KANK1: variants seen among roughly 807,000 people sequenced by gnomAD.
KANK1 encodes KN motif and ankyrin repeat domains 1.
A neutral mutation model predicts 106.2 loss-of-function variants in KANK1; 109 were observed. That is an observed-to-expected ratio of 1.03 (90% CI 0.88 to 1.20). The LOEUF is 1.20. Among genes scored for constraint, KANK1 ranks in the 50% most tolerant of loss-of-function variants. KANK1 has a pLI of 0.00. For missense variants in KANK1, 2,399 were observed against 1,710.7 expected, an observed-to-expected ratio of 1.40 and a Z score of -7.10; for synonymous variants, 873 against 652.2, an observed-to-expected ratio of 1.34 and a Z score of -5.16.
chr9:588,084 G>A (rs74365571), intron 1 of KANK1, among the ~76,000 whole-genome samples: 3 of 148,904 alleles, frequency 2.0e-5, no homozygotes, highest in African/African-American at 4.9e-5. Context: ...AAAAAAGAAA[G>A]AAAGAAAGAA....
intron 1 of KANK1, among the ~76,000 whole-genome samples, chr9:600,209 C>G (rs753940901): frequency 8.6e-5 from 13 of 151,770 alleles, no homozygotes; most frequent in Non-Finnish European, 8.8e-5. Flanking sequence ...CCACCCCCCT[C>G]TTCCCCTGGC....
At position 621,229 on chromosome 9, in the gene KANK1, GT is replaced by G. The variant is rs1387534894; in HGVS notation, c.-83-55659del. Among the ~76,000 whole-genome samples, 4 of 152,220 alleles carry G rather than the reference GT, an allele frequency of 2.6e-5. No individual in the cohort carries two copies. In the East Asian group the frequency reaches 7.7e-4, roughly 29 times the overall value. ...TAGCTATCACATAACATACATATTG[GT>G]TAATAATTGCAACCAAAAGTAAATT... On this transcript the variant is annotated intron_variant, in intron 1 of 11. Transcript: ENST00000382297.
chr9:680,844 C>G (rs1280875100), intron 2 of KANK1: 2 of 152,398 alleles, frequency 1.3e-5, no homozygotes, highest in Non-Finnish European at 2.9e-5. Context: ...TCAATCTTCC[C>G]TCGTAGTGTT....
chr9:472,038 T>G (rs1340249631), intron 2 of KANK1, among the ~76,000 whole-genome samples: 1 of 152,126 alleles, frequency 6.6e-6, no homozygotes, highest in African/African-American at 2.4e-5. Context: ...AGAGCCCTGC[T>G]CTCCCAGAGT....
rs377573073 is a variant in KANK1 at position 652,021 on chromosome 9, T to C, written c.-83-24869T>C. Among the ~76,000 whole-genome samples the C allele has an allele frequency of 4.1e-3, 630 of 152,288 alleles. 2 individuals are homozygous for C. Among genetic ancestry groups the C allele is most frequent in the African/African-American group, 0.014 (593 of 41,552 alleles). ...TGGAATCTAGTTTCATTAGCCCTGC[T>C]ATAACATTTTGGAGAGAATATAAAT... is the stretch of plus-strand genomic sequence containing the variant. On this transcript the variant is annotated intron_variant, in intron 1 of 11. Transcript: ENST00000382297.
chr9:694,059 C>A (rs1820624395), intron 2 of KANK1, among the ~76,000 whole-genome samples: 1 of 152,026 alleles, frequency 6.6e-6, no homozygotes, highest in South Asian at 2.1e-4. Flanking sequence ...TAGTTCAATT[C>A]AATAATTTCC....
intron 2 of KANK1, 144 bp downstream of exon 2, chr9:677,153 G>A: frequency 1.4e-6 from 1 of 721,006 alleles, no homozygotes; most frequent in Non-Finnish European, 2.3e-6. Context: ...TGAAGTTTGG[G>A]TTTGTTTTGT....
At chr9:554,327 G>A (rs2061453293) in intron 1 of KANK1, among the ~76,000 whole-genome samples, 7 of 152,170 alleles carry the variant, frequency 4.6e-5, no homozygotes, top group Admixed American at 4.6e-4. Context: ...GGAAAAGATA[G>A]AAGTTCCAGC....
At chr9:595,437 A>G (rs1236528034) in intron 1 of KANK1, among the ~76,000 whole-genome samples, 4 of 151,950 alleles carry the variant, frequency 2.6e-5, no homozygotes, top group Non-Finnish European at 5.9e-5. Context: ...TGCAATCAGA[A>G]CAAGAACCCG....
chr9:631,600 C>T (rs1036655216), intron 1 of KANK1, among the ~76,000 whole-genome samples: 1 of 152,208 alleles, frequency 6.6e-6, no homozygotes, highest in Non-Finnish European at 1.5e-5. Context: ...TCAGCCAGAG[C>T]AGTAGTTACT....
chr9:692,987 G>C (rs1211906457), intron 2 of KANK1, among the ~76,000 whole-genome samples: 1 of 152,050 alleles, frequency 6.6e-6, no homozygotes, highest in Non-Finnish European at 1.5e-5. Context: ...AAGTGACAGA[G>C]TGATACACTA....
intron 3 of KANK1, chr9:478,163 T>G (rs1455193440): frequency 2.7e-5 from 5 of 182,738 alleles, no homozygotes; most frequent in Admixed American, 2.3e-4. Context: ...GGAAATGCCA[T>G]TTTTCATGAC....
chr9:729,709 A>G (rs932350355), intron 3 of KANK1, among the ~76,000 whole-genome samples: 2 of 152,188 alleles, frequency 1.3e-5, no homozygotes, highest in African/African-American at 4.8e-5. Flanking sequence ...TAATGATGGC[A>G]TTGGAGCTGG....
chr9:646,577 C>G (rs968750047), intron 1 of KANK1, among the ~76,000 whole-genome samples: 4 of 150,524 alleles, frequency 2.7e-5, no homozygotes, highest in Non-Finnish European at 4.4e-5. Context: ...TTAATCATCT[C>G]TCAGTTAGGT....
chr9:679,545 G>C (rs929566324), intron 2 of KANK1, among the ~76,000 whole-genome samples: 2 of 152,150 alleles, frequency 1.3e-5, no homozygotes, highest in African/African-American at 4.8e-5. Context: ...CTCCCACGCA[G>C]CTGGGATTAC....
chr9:713,328 A>G lies in KANK1; in HGVS notation c.2562A>G (p.Glu854=), dbSNP rs1329830983. The change falls in exon 3 of 12, where the codon GAA becomes GAG. Residue 854 remains glutamate (E), a synonymous_variant. Transcript: ENST00000382297. ...GTGAACTGGCAGAAGCTTTCGGGGA[A>G]CCTCACTCACAGATGGGCTCCCTCA... ...NYSELAEAFG[E]PHSQMGSLNS... The G allele has an allele frequency of 1.2e-6, 2 of 1,614,092 alleles. No homozygotes were observed. Among genetic ancestry groups the G allele is most frequent in the Admixed American group, 1.7e-5 (1 of 60,018 alleles).
At chr9:537,474 A>G (rs1447979152) in intron 1 of KANK1, among the ~76,000 whole-genome samples, 1 of 152,190 alleles carries the variant, frequency 6.6e-6, no homozygotes, top group Non-Finnish European at 1.5e-5. Flanking sequence ...TTGTCTCTCA[A>G]GTGTTGCTAA....
At chr9:725,495 T>TC (rs1830420258) in intron 3 of KANK1, among the ~76,000 whole-genome samples, 2 of 53,686 alleles carry the variant, frequency 3.7e-5, no homozygotes, top group South Asian at 1.3e-3. Flanking sequence ...AGACTCTGTC[T>TC]CAAAAAAAAA....
intron 2 of KANK1, among the ~76,000 whole-genome samples, chr9:692,667 G>T (rs1333074673): frequency 2.6e-5 from 4 of 150,962 alleles, no homozygotes; most frequent in Non-Finnish European, 2.9e-5. Flanking sequence ...TTCTCTTGAG[G>T]TTTATGTTAT....
Sources: gnomAD v4.1 joint callset for allele counts (sites outside exome capture counted in the v4.1 genomes callset) on GRCh38, gnomAD v4.1.1 for gene constraint, MANE v1.5 for transcripts, NCBI Gene and HGNC (gene_info 2026-07-23, HGNC 2026-07-21) for gene names.